Variants in BLM observed in about 807,000 individuals in gnomAD.
BLM encodes the protein BLM RecQ like helicase.
In BLM, 95 loss-of-function variants were observed where a neutral mutation model predicts 135.3. The ratio of observed to expected loss-of-function variants is 0.70; its 90% CI spans 0.59 to 0.83. The LOEUF (loss-of-function observed/expected upper bound fraction) is 0.83. Among genes scored for constraint, BLM ranks in the 40% least tolerant of loss-of-function variants. BLM has a pLI of 0.00. For synonymous variants in BLM, 520 were observed against 589.2 expected, an observed-to-expected ratio of 0.88 and a Z score of 1.70; for missense variants, 1,518 against 1,663.9, an observed-to-expected ratio of 0.91 and a Z score of 1.53.
chr15:90,804,424 G>T, intron 19 of BLM, 65 bp downstream of exon 19: 1 of 1,489,050 alleles, frequency 6.7e-7, no homozygotes, highest in South Asian at 1.1e-5. Context: ...ATCTTGCTAG[G>T]GAACTCCTTA....
chr15:90,811,126 A>G, intron 20 of BLM, 79 bp from the exon 21 acceptor site: 3 of 1,465,110 alleles, frequency 2.0e-6, no homozygotes, highest in South Asian at 2.3e-5. Context: ...GGGCCCCTGC[A>G]GCGTGTCTCT....
intron 1 of BLM, among the ~76,000 whole-genome samples, chr15:90,735,564 C>G (rs979987901): frequency 1.6e-5 from 2 of 127,620 alleles, no homozygotes; most frequent in Admixed American, 1.8e-4. Context: ...AAAGGTAGTT[C>G]TGAAATTATT....
chr15:90,796,885 G>C (rs549418496), intron 16 of BLM, among the ~76,000 whole-genome samples: 2 of 152,222 alleles, frequency 1.3e-5, no homozygotes, highest in African/African-American at 4.8e-5. Flanking sequence ...ATCTGAGGTT[G>C]AGGATCAGCA....
chr15:90,728,587 G>A lies in BLM; in HGVS notation c.-5+11147G>A, dbSNP rs143300688. ...CGTTCAGCTAATTTTTATATATTTA[G>A]TAGAGACGGGGTTTCACCATGTTGG... On this transcript the variant is annotated intron_variant, in intron 1 of 21. Coordinates refer to ENST00000355112, the MANE Select transcript of BLM (RefSeq NM_000057.4). Among the ~76,000 whole-genome samples the A allele has an allele frequency of 4.3e-3, 646 of 151,418 alleles. 16 individuals are homozygous for A. The East Asian group carries it at 0.088, about 21-fold the overall frequency.
chr15:90,800,026 A>G (rs1182463425), intron 17 of BLM, among the ~76,000 whole-genome samples: 2 of 152,218 alleles, frequency 1.3e-5, no homozygotes, highest in African/African-American at 4.8e-5. Context: ...ATCTCTGTTT[A>G]AAAGGGTCAG....
chr15:90,786,972 G>A (rs1446728438), intron 14 of BLM, among the ~76,000 whole-genome samples: 1 of 148,480 alleles, frequency 6.7e-6, no homozygotes, highest in African/African-American at 2.5e-5. Context: ...ATCTGTTTCC[G>A]AGATGAGAAA....
At chr15:90,809,281 T>C in intron 20 of BLM, 22 bp downstream of exon 20, 1 of 1,614,104 alleles carries the variant, frequency 6.2e-7, no homozygotes, top group Non-Finnish European at 8.5e-7. Context: ...GCCATGTGTG[T>C]TCTCTAAAAG....
chr15:90,734,442 C>T (rs1170162499), intron 1 of BLM, among the ~76,000 whole-genome samples: 4 of 151,904 alleles, frequency 2.6e-5, no homozygotes, highest in Admixed American at 6.6e-5. Context: ...CGCCCACCAC[C>T]ACACCTGGCT....
chr15:90,815,342 T>C lies in BLM; in HGVS notation c.*63T>C. Reference sequence around the variant, plus strand: ...TTGTCAGCATCTGACCATCTGTGACTATAAAGCTGTTATTCTTGTTATACC... The same window carrying C: ...TTGTCAGCATCTGACCATCTGTGACCATAAAGCTGTTATTCTTGTTATACC... On this transcript the variant is annotated 3_prime_UTR_variant, in exon 22 of 22. Transcript: ENST00000355112. The surrounding 1 kb of genome is among the most constrained non-coding windows in gnomAD (Gnocchi z 4.6). 2.6e-6 allele frequency: 4 copies of C among 1,549,734 alleles called. No individual in the cohort carries two copies. In the South Asian group the frequency reaches 3.4e-5, roughly 13 times the overall value.
In BLM at chr15:90,811,411, G is replaced by A. The variant is rs1228601900; in HGVS notation, c.4076+5G>A. The A allele has an allele frequency of 6.2e-7, 1 of 1,613,814 alleles. No individual in the cohort carries two copies. Among genetic ancestry groups the A allele is most frequent in the Non-Finnish European group, 8.5e-7 (1 of 1,179,736 alleles). ...CAGTGGTTCCAAGGCAAAGGGGTAT[G>A]TTTTGTGACATCTTTTTCAATATAG... On this transcript the variant is annotated splice_donor_5th_base_variant and intron_variant, in intron 21 of 21. Coordinates refer to ENST00000355112, the MANE Select transcript of BLM (RefSeq NM_000057.4).
At chr15:90,773,642 TTC>T (rs1896390474) in intron 12 of BLM, among the ~76,000 whole-genome samples, 1 of 151,828 alleles carries the variant, frequency 6.6e-6, no homozygotes, top group Admixed American at 6.6e-5. Context: ...CTTTCTCACT[TTC>T]CCCATTCTTA....
rs28385044 is a variant in BLM, at chr15:90,770,213, G to A, written c.2555+627G>A. ...TTTTGAGATGGAGTCTCGCTCTGTCGCCCAGGCTGGAGTGCAGTGGCCTGA... is the reference window on the plus strand; with the variant it reads ...TTTTGAGATGGAGTCTCGCTCTGTCACCCAGGCTGGAGTGCAGTGGCCTGA... On this transcript the variant is annotated intron_variant, in intron 12 of 21. Transcript: ENST00000355112. Among the ~76,000 whole-genome samples, 696 of 126,552 alleles carry A rather than the reference G, an allele frequency of 5.5e-3. 4 individuals carry two copies. The highest frequency in any genetic ancestry group is 0.021 in the African/African-American group (670 of 32,052). 83.0% of individuals were successfully genotyped at this position (126,552 alleles called of 152,430 possible). A position where few individuals can be genotyped will look rare whatever the true frequency, so the allele number is the denominator to read the frequency against.
intron 15 of BLM, among the ~76,000 whole-genome samples, chr15:90,792,687 T>C (rs1487070269): frequency 1.3e-5 from 2 of 152,124 alleles, no homozygotes; most frequent in Non-Finnish European, 2.9e-5. Flanking sequence ...CTATGTGCCA[T>C]TCTAAATGCC....
At chr15:90,758,240 C>T (rs1180313710) in intron 5 of BLM, among the ~76,000 whole-genome samples, 1 of 152,050 alleles carries the variant, frequency 6.6e-6, no homozygotes, top group Non-Finnish European at 1.5e-5. Flanking sequence ...GTAATCCCAG[C>T]ACTTTGGGAG....
rs1245531016 is a variant in BLM at position 90,785,063 on chromosome 15, TA to T, written c.2807del (p.Asn936IlefsTer26). 2 of 1,614,060 alleles carry T rather than the reference TA, an allele frequency of 1.2e-6. No homozygotes were observed. Among genetic ancestry groups the T allele is most frequent in the Non-Finnish European group, 1.7e-6 (2 of 1,180,032 alleles). ...GAGATGAAGTGCAGCAGAAGTGGAT[TA>T]ATCAGGATGGCTGTCAGGTAACATT... The part of the protein sequence containing the change: ...ARDEVQQKWI[N>X]QDGCQVICAT... On this transcript the variant is annotated frameshift_variant, in exon 14 of 22. Coordinates refer to ENST00000355112, the MANE Select transcript of BLM (RefSeq NM_000057.4). LOFTEE classifies it high-confidence loss of function.
intron 1 of BLM, among the ~76,000 whole-genome samples, chr15:90,731,113 T>C (rs917471023): frequency 6.6e-6 from 1 of 152,094 alleles, no homozygotes; most frequent in Non-Finnish European, 1.5e-5. Context: ...TTAATTTTTA[T>C]AAATTTTTGT....
In BLM at chr15:90,778,993, C is replaced by T. The variant is rs958842208; in HGVS notation, c.2556-3829C>T. On this transcript the variant is annotated intron_variant, in intron 12 of 21. Coordinates refer to ENST00000355112, the MANE Select transcript of BLM (RefSeq NM_000057.4). Reference sequence around the variant, plus strand: ...CTCCACCTCCCAGGTTCAAGTGATTCTTCTGCCTCAGCTTCCTGAGTAGCT... The same window carrying T: ...CTCCACCTCCCAGGTTCAAGTGATTTTTCTGCCTCAGCTTCCTGAGTAGCT... Among the ~76,000 whole-genome samples the T allele has an allele frequency of 2.0e-5, 3 of 151,702 alleles. No homozygotes were observed. In the East Asian group the frequency reaches 5.8e-4, roughly 29 times the overall value.
intron 1 of BLM, among the ~76,000 whole-genome samples, chr15:90,721,364 T>A (rs979263857): frequency 5.3e-5 from 8 of 152,260 alleles, no homozygotes; most frequent in African/African-American, 1.9e-4. Flanking sequence ...TCTCATCCTG[T>A]TGCTGAGGCT....
intron 16 of BLM, among the ~76,000 whole-genome samples, chr15:90,796,045 G>A (rs1377680967): frequency 6.6e-6 from 1 of 152,194 alleles, no homozygotes; most frequent in Non-Finnish European, 1.5e-5. Flanking sequence ...CCATGTGGCT[G>A]AGCAGGATTA....
Sources: gnomAD v4.1 joint callset for allele counts (sites outside exome capture counted in the v4.1 genomes callset) on GRCh38, gnomAD v4.1.1 for gene constraint, Gnocchi (gnomAD v3.1) non-coding constraint, MANE v1.5 for transcripts, NCBI Gene and HGNC (gene_info 2026-07-23, HGNC 2026-07-21) for gene names.